The following FIG4 variants were observed in gnomAD, a reference collection of about 807,000 sequenced individuals.
The protein encoded by FIG4 is FIG4 phosphoinositide 5-phosphatase, also known as polyphosphoinositide phosphatase.
In FIG4, 112 loss-of-function variants were observed where a neutral mutation model predicts 118.6. The ratio of observed to expected loss-of-function variants is 0.94; its 90% CI spans 0.81 to 1.11. The LOEUF (loss-of-function observed/expected upper bound fraction) is 1.11. Among genes scored for constraint, FIG4 ranks in the 50% least tolerant of loss-of-function variants. FIG4 has a pLI of 0.00. For missense variants in FIG4, 969 were observed against 1,111.7 expected, an observed-to-expected ratio of 0.87 and a Z score of 1.83; for synonymous variants, 369 against 381.2, an observed-to-expected ratio of 0.97 and a Z score of 0.37.
At chr6:109,704,177 G>C (rs932428837) in intron 1 of FIG4, among the ~76,000 whole-genome samples, 1 of 152,158 alleles carries the variant, frequency 6.6e-6, no homozygotes, top group African/African-American at 2.4e-5. Context: ...TCTGCTTAAA[G>C]GTAATTGGAT....
In FIG4 at chr6:109,812,022, T is replaced by C. The variant is rs370442287; in HGVS notation, c.2547-13066T>C. Among the ~76,000 whole-genome samples, 14 of 152,250 alleles carry C rather than the reference T, an allele frequency of 9.2e-5. No homozygotes were observed. In the East Asian group the frequency reaches 1.9e-3, roughly 21 times the overall value. ...CAAGGGAGAGACCAGGTGGAGGTAATTGAATCACAGGGATGGTTTTTCCCC... is the reference window on the plus strand; with the variant it reads ...CAAGGGAGAGACCAGGTGGAGGTAACTGAATCACAGGGATGGTTTTTCCCC... On this transcript the variant is annotated intron_variant, in intron 22 of 22. Coordinates refer to ENST00000230124, the MANE Select transcript of FIG4 (RefSeq NM_014845.6).
At chr6:109,711,792 A>T (rs925453851) in intron 1 of FIG4, among the ~76,000 whole-genome samples, 1 of 151,940 alleles carries the variant, frequency 6.6e-6, no homozygotes, top group Admixed American at 6.6e-5. Context: ...ATACGTGTGA[A>T]CCTATCATCA....
chr6:109,737,680 G>A (rs114246340), intron 6 of FIG4, among the ~76,000 whole-genome samples: 3,121 of 152,102 alleles, frequency 0.021, 95 homozygotes, highest in African/African-American at 0.072. Flanking sequence ...ACTCATTGCT[G>A]TTTAATACAT....
At chr6:109,694,660 A>G in intron 1 of FIG4, among the ~76,000 whole-genome samples, 1 of 152,204 alleles carries the variant, frequency 6.6e-6, no homozygotes, top group East Asian at 1.9e-4. Flanking sequence ...AACCTATAGA[A>G]TGGAGAAAAT....
intron 1 of FIG4, among the ~76,000 whole-genome samples, chr6:109,702,345 A>G (rs1583626687): frequency 6.6e-6 from 1 of 152,320 alleles, no homozygotes; most frequent in East Asian, 1.9e-4. Context: ...CTTTATACCA[A>G]GTCACCTCTA....
Position 109,777,058 on chromosome 6 carries a change from A to G in FIG4, c.1887A>G (p.Arg629=). 2.5e-6 allele frequency: 4 copies of G among 1,613,486 alleles called. No individual in the cohort carries two copies. Among genetic ancestry groups the G allele is most frequent in the South Asian group, 1.1e-5 (1 of 91,056 alleles). Residue 629 remains arginine (R), a splice_region_variant and synonymous_variant, in exon 16 of 23, where the codon AGA becomes AGG. Coordinates refer to ENST00000230124, the MANE Select transcript of FIG4 (RefSeq NM_014845.6). ...KNTMRLLPTR[R]SYTYWWTPEV... Reference sequence around the variant, plus strand: ...CCATGAGACTTTTGCCAACAAGAAGAAGGTATTTTTCTTCCTAGTCTGTAA... The same window carrying G: ...CCATGAGACTTTTGCCAACAAGAAGGAGGTATTTTTCTTCCTAGTCTGTAA...
intron 22 of FIG4, among the ~76,000 whole-genome samples, chr6:109,808,061 C>T (rs1252735006): frequency 2.6e-5 from 4 of 152,016 alleles, no homozygotes; most frequent in African/African-American, 9.7e-5. Flanking sequence ...TGGAATTTAC[C>T]CAACCTGGGC....
intron 15 of FIG4, among the ~76,000 whole-genome samples, chr6:109,772,852 T>C (rs150096478): frequency 4.5e-4 from 69 of 152,362 alleles, no homozygotes; most frequent in Admixed American, 7.2e-4. Context: ...CAGAAGTCTA[T>C]GGACACAGCA....
intron 18 of FIG4, among the ~76,000 whole-genome samples, chr6:109,786,651 A>C (rs1777967287): frequency 6.6e-6 from 1 of 152,050 alleles, no homozygotes. Context: ...GTTGGAGTTG[A>C]TTTCTCCCCT....
chr6:109,774,398 G>C (rs1451471306), intron 15 of FIG4, among the ~76,000 whole-genome samples: 1 of 152,076 alleles, frequency 6.6e-6, no homozygotes, highest in East Asian at 1.9e-4. Context: ...TGTGCATTTA[G>C]AGTTGTTCTA....
chr6:109,734,272 T>C (rs1287364933), intron 5 of FIG4, among the ~76,000 whole-genome samples: 2 of 151,596 alleles, frequency 1.3e-5, no homozygotes, highest in African/African-American at 4.8e-5. Flanking sequence ...CTTCTGAAAT[T>C]CTGTGCTAAA....
At chr6:109,700,646 T>C (rs1774877590) in intron 1 of FIG4, among the ~76,000 whole-genome samples, 1 of 152,222 alleles carries the variant, frequency 6.6e-6, no homozygotes, top group South Asian at 2.1e-4. Flanking sequence ...CAAAATTTTT[T>C]TGGACATGAC....
At chr6:109,797,166 G>A (rs1778311532) in intron 22 of FIG4, among the ~76,000 whole-genome samples, 1 of 152,140 alleles carries the variant, frequency 6.6e-6, no homozygotes. Context: ...ACATGCTCAA[G>A]TTTAATACAA....
At chr6:109,715,450 A>C (rs1489961131) in intron 2 of FIG4, among the ~76,000 whole-genome samples, 1 of 152,134 alleles carries the variant, frequency 6.6e-6, no homozygotes, top group Non-Finnish European at 1.5e-5. Flanking sequence ...TTTCTTAAAG[A>C]GGGCTGACAT....
chr6:109,718,039 C>T (rs1038178941), intron 3 of FIG4, among the ~76,000 whole-genome samples: 9 of 152,108 alleles, frequency 5.9e-5, no homozygotes, highest in Admixed American at 2.0e-4. Context: ...GCAGGCTGTA[C>T]AGGAAGCATA....
At chr6:109,758,438 A>G (rs1776991632) in intron 10 of FIG4, among the ~76,000 whole-genome samples, 1 of 152,192 alleles carries the variant, frequency 6.6e-6, no homozygotes, top group African/African-American at 2.4e-5. Flanking sequence ...CTTTCCTTGC[A>G]CCTTATATAA....
At chr6:109,824,808 G>T (rs1157951671) in intron 22 of FIG4, among the ~76,000 whole-genome samples, 1 of 152,178 alleles carries the variant, frequency 6.6e-6, no homozygotes, top group Non-Finnish European at 1.5e-5. Flanking sequence ...AGACAGATGG[G>T]TGTGCAGACG....
At chr6:109,814,561 A>G (rs1778808019) in intron 22 of FIG4, among the ~76,000 whole-genome samples, 2 of 152,024 alleles carry the variant, frequency 1.3e-5, no homozygotes, top group Non-Finnish European at 2.9e-5. Flanking sequence ...GAAACTAAAA[A>G]TCCTTCATCA....
intron 9 of FIG4, 77 bp downstream of exon 9, chr6:109,743,349 A>C: frequency 1.3e-4 from 187 of 1,425,888 alleles, no homozygotes; most frequent in Non-Finnish European, 1.7e-4. Flanking sequence ...CAGAAATCTC[A>C]TAAATGCTTA....
Sources: gnomAD v4.1 joint callset for allele counts (sites outside exome capture counted in the v4.1 genomes callset) on GRCh38, gnomAD v4.1.1 for gene constraint, MANE v1.5 for transcripts, NCBI Gene and HGNC (gene_info 2026-07-23, HGNC 2026-07-21) for gene names.